Variants in PPP1R16B observed in about 807,000 individuals in gnomAD.
PPP1R16B encodes the protein protein phosphatase 1 regulatory subunit 16B.
PPP1R16B carries 14 observed loss-of-function variants against 61.7 expected under a neutral mutation model. The observed-to-expected ratio is 0.23, with a 90% CI of 0.15 to 0.35. The LOEUF (loss-of-function observed/expected upper bound fraction) is 0.35, where lower values mean the gene tolerates loss of function less well. Ranked by LOEUF, PPP1R16B falls within the 10% of genes least tolerant of loss-of-function variation. PPP1R16B has a pLI of 1.00. For missense variants in PPP1R16B, 547 were observed against 752.5 expected (o/e 0.73, Z 3.19); for synonymous variants, 266 against 305.3 (o/e 0.87, Z 1.34).
chr20:38,889,339 A>G (rs1055850582), intron 2 of PPP1R16B, among the ~76,000 whole-genome samples: 2 of 152,256 alleles, frequency 1.3e-5, no homozygotes, highest in African/African-American at 4.8e-5. Flanking sequence ...GACAACAAAT[A>G]TAACTTGCTT....
rs10392 is a variant in PPP1R16B, at chr20:38,922,292, G to A, written c.*3626G>A. 0.17 allele frequency: 25,831 copies of A among 152,702 alleles called. 2,408 individuals are homozygous for A. The highest frequency in any genetic ancestry group is 0.31 in the East Asian group (1,627 of 5,186). The allele number at this position is 152,702 out of a possible 1,614,324, so 9.5% of individuals were successfully genotyped here. ...CTTTGTAATAACATAAGACCATTGT[G>A]GTTGTTGGTGTCAGATACCTTCCCA... On this transcript the variant is annotated 3_prime_UTR_variant, in exon 11 of 11. Transcript: ENST00000299824.
At chr20:38,847,712 G>A (rs548054487) in intron 2 of PPP1R16B, among the ~76,000 whole-genome samples, 128 of 152,174 alleles carry the variant, frequency 8.4e-4, no homozygotes, top group Middle Eastern at 3.4e-3. Context: ...GATTGTGTAC[G>A]TTTATGTTTG....
At chr20:38,888,876 A>AACACACACACACACACAC (rs1181903301) in intron 2 of PPP1R16B, among the ~76,000 whole-genome samples, 2 of 112,302 alleles carry the variant, frequency 1.8e-5, no homozygotes, top group Admixed American at 9.1e-5. Flanking sequence ...AGAATCCCTG[A>AACACACACACACACACAC]ACACACACAC....
intron 2 of PPP1R16B, among the ~76,000 whole-genome samples, chr20:38,860,430 G>T (rs965848389): frequency 6.6e-6 from 1 of 152,192 alleles, no homozygotes; most frequent in East Asian, 1.9e-4. Context: ...ATCTGAAATT[G>T]ATGCACCATA....
rs1286896352 is a variant in PPP1R16B at position 38,922,364 on chromosome 20, T to C, written c.*3698T>C. On this transcript the variant is annotated 3_prime_UTR_variant, in exon 11 of 11. Transcript: ENST00000299824. ...TGCTCTCTCTCCTAGAGCAGGATAC[T>C]GGGGTACTTTTAAGAAGGGTGCTCC... is the stretch of plus-strand genomic sequence containing the variant. 1 of 152,682 alleles carries C rather than the reference T, an allele frequency of 6.5e-6. No homozygotes were observed. The highest frequency in any genetic ancestry group is 2.4e-5 in the African/African-American group (1 of 41,470). 9.5% of individuals were successfully genotyped at this position (152,682 alleles called of 1,614,324 possible).
intron 2 of PPP1R16B, among the ~76,000 whole-genome samples, chr20:38,838,959 G>A (rs912553517): frequency 6.6e-6 from 1 of 152,198 alleles, no homozygotes; most frequent in African/African-American, 2.4e-5. Flanking sequence ...ACGAAGTCTC[G>A]CTCTGTCGCC....
At chr20:38,900,832 T>G (rs1247097815) in intron 5 of PPP1R16B, 148 bp downstream of exon 5, 1 of 547,160 alleles carries the variant, frequency 1.8e-6, no homozygotes, top group South Asian at 3.0e-5. Flanking sequence ...ATTCATATCC[T>G]TATCTGTGTG....
intron 2 of PPP1R16B, chr20:38,872,988 C>T (rs764343262): frequency 1.3e-5 from 2 of 152,302 alleles, no homozygotes; most frequent in East Asian, 1.9e-4. Context: ...TCAAAACTCC[C>T]CTGCTGATCA....
At chr20:38,836,893 C>T (rs1439806043) in intron 2 of PPP1R16B, among the ~76,000 whole-genome samples, 1 of 152,190 alleles carries the variant, frequency 6.6e-6, no homozygotes, top group East Asian at 1.9e-4. Flanking sequence ...TTCTTTCCCT[C>T]CCACAAATAT....
At chr20:38,873,824 G>A (rs62201375) in intron 2 of PPP1R16B, among the ~76,000 whole-genome samples, 3,507 of 150,066 alleles carry the variant, frequency 0.023, 49 homozygotes, top group Non-Finnish European at 0.039. Context: ...TGCCTCCTGG[G>A]TTCAACCGAT....
At chr20:38,896,090 G>C (rs13037054) in intron 4 of PPP1R16B, among the ~76,000 whole-genome samples, 114,411 of 115,012 alleles carry the variant, frequency 0.99, 56,911 homozygotes, top group Non-Finnish European at 1. Flanking sequence ...CTCCCTTTCT[G>C]CCTTTCTTCT....
At chr20:38,884,113 G>A (rs544282059) in intron 2 of PPP1R16B, among the ~76,000 whole-genome samples, 1 of 152,304 alleles carries the variant, frequency 6.6e-6, no homozygotes, top group Non-Finnish European at 1.5e-5. Flanking sequence ...TGCTCCCTGA[G>A]CTCCAGGCAA....
intron 3 of PPP1R16B, among the ~76,000 whole-genome samples, chr20:38,893,452 G>T (rs1175879372): frequency 6.6e-6 from 1 of 152,168 alleles, no homozygotes; most frequent in Non-Finnish European, 1.5e-5. Context: ...AGGGTGTTAG[G>T]AAGGGGAATG....
chr20:38,860,640 G>A (rs1049377183), intron 2 of PPP1R16B, among the ~76,000 whole-genome samples: 1 of 152,184 alleles, frequency 6.6e-6, no homozygotes, highest in Non-Finnish European at 1.5e-5. Context: ...GACTGTGGTC[G>A]CACCTTTGCA....
chr20:38,863,861 A>G (rs2085072364), intron 2 of PPP1R16B, among the ~76,000 whole-genome samples: 1 of 152,258 alleles, frequency 6.6e-6, no homozygotes, highest in Non-Finnish European at 1.5e-5. Flanking sequence ...GAGAAATGAC[A>G]TAAGTCTACA....
chr20:38,914,220 C>T (rs544733704), intron 10 of PPP1R16B, among the ~76,000 whole-genome samples: 8 of 151,856 alleles, frequency 5.3e-5, no homozygotes, highest in South Asian at 2.1e-4. Flanking sequence ...CATTTAATTT[C>T]GGTTGATAAA....
At chr20:38,817,655 G>A (rs2084745743) in intron 1 of PPP1R16B, among the ~76,000 whole-genome samples, 2 of 151,876 alleles carry the variant, frequency 1.3e-5, no homozygotes, top group African/African-American at 4.8e-5. Flanking sequence ...GCCCTTAAGA[G>A]ATGATAGCTA....
At chr20:38,843,497 C>G (rs969928574) in intron 2 of PPP1R16B, among the ~76,000 whole-genome samples, 1 of 152,210 alleles carries the variant, frequency 6.6e-6, no homozygotes, top group Non-Finnish European at 1.5e-5. Context: ...TAGGACAGCT[C>G]GAGTGTTCTC....
At chr20:38,817,870 C>G (rs926481501) in intron 1 of PPP1R16B, among the ~76,000 whole-genome samples, 13 of 152,140 alleles carry the variant, frequency 8.5e-5, no homozygotes, top group African/African-American at 2.7e-4. Flanking sequence ...CGGTGAAACC[C>G]CGTCTCCACT....
Sources: gnomAD v4.1 joint callset for allele counts (sites outside exome capture counted in the v4.1 genomes callset) on GRCh38, gnomAD v4.1.1 for gene constraint, MANE v1.5 for transcripts, NCBI Gene and HGNC (gene_info 2026-07-23, HGNC 2026-07-21) for gene names.